COG6: variants seen among roughly 807,000 people sequenced by gnomAD.
COG6 encodes the protein conserved oligomeric Golgi complex subunit 6.
In COG6, 74 loss-of-function variants were observed where a neutral mutation model predicts 88.8. The observed-to-expected ratio is 0.83, with a 90% CI of 0.69 to 1.01. The LOEUF (loss-of-function observed/expected upper bound fraction) is 1.01, where lower values mean the gene tolerates loss of function less well. Ranked by LOEUF, COG6 falls within the 50% of genes least tolerant of loss-of-function variation. The pLI is 0.00. For missense variants in COG6, 800 were observed against 797.9 expected, an observed-to-expected ratio of 1.00 and a Z score of -0.03; for synonymous variants, 286 against 278.7, an observed-to-expected ratio of 1.03 and a Z score of -0.26.
chr13:39,758,526 C>A (rs556428962), intron 18 of COG6, among the ~76,000 whole-genome samples: 1 of 152,270 alleles, frequency 6.6e-6, no homozygotes, highest in East Asian at 1.9e-4. Context: ...AAATGCAAGT[C>A]AGAATCACAA....
At chr13:39,757,163 A>G (rs971056860), downstream of COG6, among the ~76,000 whole-genome samples, 2 of 152,234 alleles carry the variant, frequency 1.3e-5, no homozygotes, top group Non-Finnish European at 2.9e-5. Flanking sequence ...GACATTGTAA[A>G]TTAATAACAA....
At chr13:39,739,808 A>G (rs529785315) in intron 18 of COG6, among the ~76,000 whole-genome samples, 2 of 152,294 alleles carry the variant, frequency 1.3e-5, no homozygotes, top group Admixed American at 6.5e-5. Flanking sequence ...TGAGTCATAA[A>G]TATTGAAAAG....
chr13:39,676,578 T>A (rs1359819155), intron 4 of COG6, among the ~76,000 whole-genome samples: 1 of 152,126 alleles, frequency 6.6e-6, no homozygotes, highest in African/African-American at 2.4e-5. Flanking sequence ...AAAACCTCCA[T>A]CCCAAAGGTG....
downstream of COG6, among the ~76,000 whole-genome samples, chr13:39,756,126 A>G (rs1032590115): frequency 6.6e-6 from 1 of 152,240 alleles, no homozygotes; most frequent in Non-Finnish European, 1.5e-5. Flanking sequence ...AATACAGAAT[A>G]TAATAAAGAG....
chr13:39,695,588 G>C (rs1191794507), intron 12 of COG6, among the ~76,000 whole-genome samples: 3 of 151,772 alleles, frequency 2.0e-5, no homozygotes, highest in Admixed American at 2.0e-4. Flanking sequence ...GAAAGGTTCA[G>C]GGAGCACTAG....
At chr13:39,682,775 A>G (rs540504181) in intron 8 of COG6, among the ~76,000 whole-genome samples, 29 of 152,148 alleles carry the variant, frequency 1.9e-4, no homozygotes, top group Admixed American at 6.5e-4. Flanking sequence ...AATTTAATGC[A>G]TTTTGTATTT....
intron 4 of COG6, among the ~76,000 whole-genome samples, chr13:39,667,578 T>G (rs113724074): frequency 3.0e-4 from 45 of 152,338 alleles, no homozygotes; most frequent in African/African-American, 1.1e-3. Flanking sequence ...TTTCTAGTAC[T>G]TTTCAGAGCA....
intron 18 of COG6, among the ~76,000 whole-genome samples, chr13:39,775,136 G>A (rs906169478): frequency 2.0e-5 from 3 of 152,104 alleles, no homozygotes; most frequent in East Asian, 1.9e-4. Context: ...GTGTCTGCTC[G>A]GGAGCCAGGC....
intron 18 of COG6, among the ~76,000 whole-genome samples, chr13:39,765,607 T>C (rs1314089143): frequency 6.6e-6 from 1 of 152,206 alleles, no homozygotes; most frequent in Non-Finnish European, 1.5e-5. Context: ...TAAGATAAAA[T>C]GTGAATCCTT....
At chr13:39,693,842 C>T (rs1034565072) in intron 11 of COG6, among the ~76,000 whole-genome samples, 1 of 151,882 alleles carries the variant, frequency 6.6e-6, no homozygotes, top group South Asian at 2.1e-4. Flanking sequence ...TACTGTTCTA[C>T]CAGATGCTAC....
At chr13:39,717,266 A>G (rs76557198) in intron 13 of COG6, among the ~76,000 whole-genome samples, 10 of 151,162 alleles carry the variant, frequency 6.6e-5, no homozygotes, top group Non-Finnish European at 1.5e-4. Context: ...GTCTTTTGAC[A>G]GTTTGATTAT....
chr13:39,666,945 A>G (rs1205529301), intron 4 of COG6, among the ~76,000 whole-genome samples: 1 of 152,196 alleles, frequency 6.6e-6, no homozygotes, highest in Non-Finnish European at 1.5e-5. Flanking sequence ...TGGAACATGT[A>G]CCTTATCTTA....
intron 12 of COG6, among the ~76,000 whole-genome samples, chr13:39,697,018 C>T (rs1415496283): frequency 1.4e-5 from 2 of 148,132 alleles, no homozygotes; most frequent in African/African-American, 2.5e-5. Flanking sequence ...TTGGTTTGAA[C>T]AGCTGGGTGA....
intron 17 of COG6, 83 bp from the exon 18 acceptor site, chr13:39,727,386 A>T: frequency 9.8e-7 from 1 of 1,018,974 alleles, no homozygotes. Flanking sequence ...CAAGGATTTA[A>T]TTCTTAAAAG....
chr13:39,722,460 G>A (rs1204790272), intron 15 of COG6, among the ~76,000 whole-genome samples: 1 of 151,954 alleles, frequency 6.6e-6, no homozygotes, highest in Non-Finnish European at 1.5e-5. Flanking sequence ...GACGAGCAGA[G>A]CTATTGGAGT....
intron 18 of COG6, among the ~76,000 whole-genome samples, chr13:39,778,125 A>G (rs1881518813): frequency 6.6e-6 from 1 of 152,222 alleles, no homozygotes; most frequent in African/African-American, 2.4e-5. Flanking sequence ...CCAGCCTAAA[A>G]GGAATAGTTT....
At chr13:39,714,467 A>T (rs1878415049) in intron 13 of COG6, among the ~76,000 whole-genome samples, 1 of 152,176 alleles carries the variant, frequency 6.6e-6, no homozygotes, top group Non-Finnish European at 1.5e-5. Flanking sequence ...GGCAAATGAG[A>T]TGAACAGCCA....
intron 15 of COG6, among the ~76,000 whole-genome samples, chr13:39,721,351 A>G (rs572243654): frequency 3.8e-4 from 58 of 152,226 alleles, no homozygotes; most frequent in African/African-American, 1.3e-3. Flanking sequence ...CTGGACTTTT[A>G]CATGTGTTTT....
intron 4 of COG6, among the ~76,000 whole-genome samples, chr13:39,673,185 T>C (rs1875754886): frequency 6.6e-6 from 1 of 152,104 alleles, no homozygotes; most frequent in Non-Finnish European, 1.5e-5. Context: ...TTTTGGGTTA[T>C]CTTCACATTC....
Sources: allele counts gnomAD v4.1 joint callset (sites outside exome capture counted in the v4.1 genomes callset), GRCh38; gene constraint gnomAD v4.1.1; transcripts MANE v1.5; gene names NCBI Gene and HGNC (gene_info 2026-07-23, HGNC 2026-07-21).